CCDC191: variants seen among roughly 807,000 people sequenced by gnomAD.
The protein encoded by CCDC191 is coiled-coil domain-containing protein 191.
CCDC191 carries 99 observed loss-of-function variants against 114.0 expected under a neutral mutation model. The observed-to-expected ratio is 0.87, with a 90% CI of 0.74 to 1.03. The LOEUF (loss-of-function observed/expected upper bound fraction) is 1.03. Ranked by LOEUF, CCDC191 falls within the 50% of genes least tolerant of loss-of-function variation. CCDC191 has a pLI of 0.00. For missense variants in CCDC191, 973 were observed against 1,087.0 expected, an observed-to-expected ratio of 0.90 and a Z score of 1.47; for synonymous variants, 351 against 376.0, an observed-to-expected ratio of 0.93 and a Z score of 0.77.
In CCDC191 at chr3:114,031,922, G is replaced by C. The variant is rs2076411703; in HGVS notation, c.819-143C>G. On this transcript the variant is annotated intron_variant, in intron 6 of 16. Transcript: ENST00000295878. ...ATCTGGCTCTAAAACTACATAGTAG[G>C]GTAATTTTTTTGGAGACTTATTTTA... 1.7e-5 allele frequency: 9 copies of C among 523,288 alleles called. No homozygotes were observed. In the South Asian group the frequency reaches 2.6e-4, roughly 15 times the overall value. 32.4% of individuals were successfully genotyped at this position (523,288 alleles called of 1,614,324 possible).
intron 14 of CCDC191, among the ~76,000 whole-genome samples, 160 bp downstream of exon 14, chr3:113,980,490 C>A (rs1429345784): frequency 6.6e-6 from 1 of 152,064 alleles, no homozygotes; most frequent in Non-Finnish European, 1.5e-5. Context: ...CTTAAAAGAC[C>A]AAATCAAAAA....
At chr3:113,980,587 G>A in intron 14 of CCDC191, 63 bp downstream of exon 14, 2 of 1,438,658 alleles carry the variant, frequency 1.4e-6, no homozygotes, top group Non-Finnish European at 1.9e-6. Flanking sequence ...AGCTTAACTG[G>A]GCATCCATCC....
In CCDC191 at chr3:114,011,517, C is replaced by G. The variant is rs574950782; in HGVS notation, c.1164-496G>C. Among the ~76,000 whole-genome samples, 5 of 152,256 alleles carry G rather than the reference C, an allele frequency of 3.3e-5. No individual in the cohort carries two copies. The South Asian group carries it at 1.0e-3, about 32-fold the overall frequency. Reference sequence around the variant, plus strand: ...AAGGCTTACAAAAATCAAAGTAACACTGAGGGTTGATCTTGTGAAAGAAGA... The same window carrying G: ...AAGGCTTACAAAAATCAAAGTAACAGTGAGGGTTGATCTTGTGAAAGAAGA... On this transcript the variant is annotated intron_variant, in intron 8 of 16. Coordinates refer to ENST00000295878, the MANE Select transcript of CCDC191 (RefSeq NM_020817.2).
chr3:114,046,929 T>C, intron 2 of CCDC191, 197 bp from the exon 3 acceptor site: 3 of 961,612 alleles, frequency 3.1e-6, no homozygotes, highest in Non-Finnish European at 3.7e-6. Flanking sequence ...ATTAAATTAA[T>C]TGCAGTATTT....
chr3:114,036,465 A>G (rs2076485051), intron 5 of CCDC191, 143 bp downstream of exon 5: 1 of 479,340 alleles, frequency 2.1e-6, no homozygotes, highest in Non-Finnish European at 3.6e-6. Flanking sequence ...TGAAGTTCTT[A>G]TATTTTATTT....
At chr3:114,001,892 C>T in intron 12 of CCDC191, 196 bp from the exon 13 acceptor site, 1 of 583,474 alleles carries the variant, frequency 1.7e-6, no homozygotes, top group Non-Finnish European at 2.9e-6. Context: ...CAAAAGAATC[C>T]TTTTCTACTT....
In CCDC191 at chr3:114,010,822, G is replaced by GACTGGT; in HGVS notation, c.1362_1363insACCAGT (p.Ser454_Leu455insThrSer). On this transcript the variant is annotated inframe_insertion, in exon 9 of 17. Transcript: ENST00000295878. ...ACCATGGCTGTTGCCTCCTCAGGTA[G>GACTGGT]ACTGATGCCTGATAACCCATTGGCA... is the stretch of plus-strand genomic sequence containing the variant. 1.2e-6 allele frequency: 2 copies of GACTGGT among 1,613,942 alleles called. No individual in the cohort carries two copies. The highest frequency in any genetic ancestry group is 1.7e-6 in the Non-Finnish European group (2 of 1,179,802).
rs1371654689 is a variant in CCDC191, at chr3:114,006,615, T to TATATAA, written c.1414-654_1414-653insTTATAT. 7.1e-5 allele frequency among the ~76,000 whole-genome samples: 6 copies of TATATAA among 84,740 alleles called. No homozygotes were observed. The South Asian group carries it at 1.6e-3, about 23-fold the overall frequency. 55.6% of individuals were successfully genotyped at this position (84,740 alleles called of 152,430 possible). On this transcript the variant is annotated intron_variant, in intron 9 of 16. Coordinates refer to ENST00000295878, the MANE Select transcript of CCDC191 (RefSeq NM_020817.2). ...ATATATATATATATATATATATATA[T>TATATAA]ATAAATATATATATTTTATATATAA...
At chr3:114,028,381 G>A (rs1205579415) in intron 7 of CCDC191, among the ~76,000 whole-genome samples, 2 of 150,886 alleles carry the variant, frequency 1.3e-5, no homozygotes, top group Admixed American at 1.3e-4. Flanking sequence ...TGCCTCCTGG[G>A]TTCACGCCAT....
intron 2 of CCDC191, among the ~76,000 whole-genome samples, chr3:114,052,709 C>T (rs1026906398): frequency 6.6e-6 from 1 of 152,184 alleles, no homozygotes; most frequent in African/African-American, 2.4e-5. Context: ...ACACAGTGGG[C>T]TAGTACTTAG....
chr3:113,979,989 C>T (rs2075083928), intron 14 of CCDC191, among the ~76,000 whole-genome samples: 2 of 152,168 alleles, frequency 1.3e-5, no homozygotes. Context: ...ATTATACACC[C>T]ATACCCTTTG....
intron 16 of CCDC191, among the ~76,000 whole-genome samples, chr3:113,970,167 A>T (rs1301821582): frequency 6.6e-6 from 1 of 152,176 alleles, no homozygotes; most frequent in Non-Finnish European, 1.5e-5. Flanking sequence ...TGTATATATT[A>T]ATAAATGCTG....
chr3:114,048,349 T>A (rs2076657748), intron 2 of CCDC191, among the ~76,000 whole-genome samples: 1 of 152,178 alleles, frequency 6.6e-6, no homozygotes, highest in Middle Eastern at 3.2e-3. Flanking sequence ...ACAACTCCAC[T>A]CAAAAGCCTT....
intron 16 of CCDC191, among the ~76,000 whole-genome samples, chr3:113,966,688 T>C (rs1255574663): frequency 2.0e-5 from 3 of 152,224 alleles, no homozygotes; most frequent in African/African-American, 7.2e-5. Context: ...ATGGGATTTG[T>C]TCTGGCCTCT....
chr3:113,972,545 T>C (rs1940931265), intron 16 of CCDC191, among the ~76,000 whole-genome samples: 1 of 152,176 alleles, frequency 6.6e-6, no homozygotes, highest in African/African-American at 2.4e-5. Context: ...GAATGTGTAT[T>C]CTTCAACAGC....
intron 4 of CCDC191, among the ~76,000 whole-genome samples, chr3:114,039,860 G>C (rs542809376): frequency 6.6e-6 from 1 of 152,102 alleles, no homozygotes; most frequent in Non-Finnish European, 1.5e-5. Context: ...AAAAAAGTTG[G>C]AGTAAGTTAA....
intron 13 of CCDC191, among the ~76,000 whole-genome samples, chr3:113,981,112 T>A (rs757345078): frequency 3.9e-5 from 6 of 152,176 alleles, no homozygotes; most frequent in Non-Finnish European, 8.8e-5. Flanking sequence ...CAATCAGGAT[T>A]TTCCCCCTCA....
intron 7 of CCDC191, 54 bp downstream of exon 7, chr3:114,031,572 C>T: frequency 7.8e-6 from 11 of 1,418,770 alleles, no homozygotes; most frequent in Non-Finnish European, 1.1e-5. Flanking sequence ...TCTGATGGAG[C>T]TCTTTGTCAT....
rs542835003 is a variant in CCDC191 at position 114,000,652 on chromosome 3, T to C, written c.2163+943A>G. ...TTATATGACTTTCTTGATCTCTCTC[T>C]CTCTCTTTTTTTTTCTTAGAGATGG... is the stretch of plus-strand genomic sequence containing the variant. On this transcript the variant is annotated intron_variant, in intron 13 of 16. Transcript: ENST00000295878. Among the ~76,000 whole-genome samples, 756 of 152,082 alleles carry C rather than the reference T, an allele frequency of 5.0e-3. 9 individuals carry two copies. Among genetic ancestry groups the C allele is most frequent in the African/African-American group, 0.017 (715 of 41,470 alleles).
Sources: gnomAD v4.1 joint callset for allele counts (sites outside exome capture counted in the v4.1 genomes callset) on GRCh38, gnomAD v4.1.1 for gene constraint, MANE v1.5 for transcripts, NCBI Gene and HGNC (gene_info 2026-07-23, HGNC 2026-07-21) for gene names.